IGSF3: variants seen among roughly 807,000 people sequenced by gnomAD.
The protein encoded by IGSF3 is glu-Trp-Ile EWI motif-containing protein 3.
IGSF3 carries 23 observed loss-of-function variants against 114.4 expected under a neutral mutation model. The ratio of observed to expected loss-of-function variants is 0.20; its 90% CI spans 0.14 to 0.28. The LOEUF (loss-of-function observed/expected upper bound fraction) is 0.28, where lower values mean the gene tolerates loss of function less well. Among genes scored for constraint, IGSF3 ranks in the 10% least tolerant of loss-of-function variants. IGSF3 has a pLI of 1.00. For missense variants in IGSF3, 1,172 were observed against 1,591.5 expected (o/e 0.74, Z 4.48); for synonymous variants, 571 against 645.2 (o/e 0.88, Z 1.74).
rs1649311353 is a variant in IGSF3, at chr1:116,665,905, A to G, written c.43+379T>C. 6.6e-6 allele frequency among the ~76,000 whole-genome samples: 1 copy of G among 152,160 alleles called. No individual in the cohort carries two copies. On this transcript the variant is annotated intron_variant, in intron 2 of 10. Coordinates refer to ENST00000369486, the MANE Select transcript of IGSF3 (RefSeq NM_001007237.3). This position sits in a 1 kb window ranked among gnomAD's most constrained non-coding sequence, Gnocchi z 4.0. Reference sequence around the variant, plus strand: ...AGAGGGGAATGATGTTCCCACTCCCAATTAGGAATCAATGCAGCCCAACAA... The same window carrying G: ...AGAGGGGAATGATGTTCCCACTCCCGATTAGGAATCAATGCAGCCCAACAA...
In IGSF3 at chr1:116,584,510, T is replaced by C. The variant is rs1659729061; in HGVS notation, c.2848+135A>G. On this transcript the variant is annotated intron_variant, in intron 9 of 10. Coordinates refer to ENST00000369486, the MANE Select transcript of IGSF3 (RefSeq NM_001007237.3). This position sits in a 1 kb window ranked among gnomAD's most constrained non-coding sequence, Gnocchi z 5.8. Reference sequence around the variant, plus strand: ...AAATTCAGGCAATTTTGAATATAAATGCATATACATGTAGACACTCATATA... The same window carrying C: ...AAATTCAGGCAATTTTGAATATAAACGCATATACATGTAGACACTCATATA... 2 of 845,394 alleles carry C rather than the reference T, an allele frequency of 2.4e-6. No individual in the cohort carries two copies. The highest frequency in any genetic ancestry group is 3.6e-6 in the Non-Finnish European group (2 of 549,460). The allele number at this position is 845,394 out of a possible 1,614,324, so 52.4% of individuals were successfully genotyped here.
At chr1:116,658,118 C>T (rs1283106484) in intron 2 of IGSF3, among the ~76,000 whole-genome samples, 5 of 151,334 alleles carry the variant, frequency 3.3e-5, no homozygotes, top group African/African-American at 1.2e-4. Flanking sequence ...CTCGGCTCAT[C>T]GCAAACTCCG....
rs34589862 is a variant in IGSF3, at chr1:116,588,061, CTTT to C, written c.2440+630_2440+632del. ...AAAAGGGAAATTACAGGAAAGTGAA[CTTT>C]TTAACAATCAGAGCTGCCCAAAAAT... On this transcript the variant is annotated intron_variant, in intron 8 of 10. Transcript: ENST00000369486. This position sits in a 1 kb window ranked among gnomAD's most constrained non-coding sequence, Gnocchi z 4.9. Among the ~76,000 whole-genome samples the C allele has an allele frequency of 6.6e-6, 1 of 152,138 alleles. No individual in the cohort carries two copies. The highest frequency in any genetic ancestry group is 1.5e-5 in the Non-Finnish European group (1 of 68,016).
intron 7 of IGSF3, among the ~76,000 whole-genome samples, chr1:116,597,173 GA>G (rs1660378031): frequency 6.6e-6 from 1 of 152,194 alleles, no homozygotes; most frequent in Non-Finnish European, 1.5e-5. Context: ...GAATCTCTCA[GA>G]GCCTCTGTTA....
rs1438696832 is a variant in IGSF3 at position 116,634,521 on chromosome 1, T to C, written c.44-18064A>G. ...CCTCAGTCACTCGCTGCCTCCTCTC[T>C]TGCTTCTCTCCCAGTTCTCAGTTTG... On this transcript the variant is annotated intron_variant, in intron 2 of 10. Coordinates refer to ENST00000369486, the MANE Select transcript of IGSF3 (RefSeq NM_001007237.3). The surrounding 1 kb of genome is among the most constrained non-coding windows in gnomAD (Gnocchi z 4.2). Among the ~76,000 whole-genome samples, 1 of 152,198 alleles carries C rather than the reference T, an allele frequency of 6.6e-6. No homozygotes were observed. Among genetic ancestry groups the C allele is most frequent in the African/African-American group, 2.4e-5 (1 of 41,452 alleles).
intron 2 of IGSF3, among the ~76,000 whole-genome samples, chr1:116,656,129 A>G (rs1256231642): frequency 1.3e-5 from 2 of 152,166 alleles, no homozygotes; most frequent in Non-Finnish European, 1.5e-5. Context: ...TTGTTGAACA[A>G]TATGTTCCGC....
chr1:116,660,484 T>C (rs554803705), intron 2 of IGSF3, among the ~76,000 whole-genome samples: 114 of 137,166 alleles, frequency 8.3e-4, no homozygotes, highest in African/African-American at 3.3e-3. Context: ...CTTTTCTTTT[T>C]TTTTTTTTTT....
In IGSF3 at chr1:116,633,839, AC is replaced by A. The variant is rs1647704002; in HGVS notation, c.44-17383del. 1.3e-5 allele frequency among the ~76,000 whole-genome samples: 2 copies of A among 152,278 alleles called. No homozygotes were observed. The highest frequency in any genetic ancestry group is 4.8e-5 in the African/African-American group (2 of 41,478). On this transcript the variant is annotated intron_variant, in intron 2 of 10. Coordinates refer to ENST00000369486, the MANE Select transcript of IGSF3 (RefSeq NM_001007237.3). The surrounding 1 kb of genome is among the most constrained non-coding windows in gnomAD (Gnocchi z 4.3). Reference sequence around the variant, plus strand: ...TGAATTAGAAGCAGCACTTAAAATTACAGGTTCAGAAAAAGCTTGAACAGAA... The same window carrying A: ...TGAATTAGAAGCAGCACTTAAAATTAAGGTTCAGAAAAAGCTTGAACAGAA...
At position 116,644,445 on chromosome 1, in the gene IGSF3, C is replaced by T. The variant is rs1245919240; in HGVS notation, c.43+21839G>A. Among the ~76,000 whole-genome samples, 21 of 152,320 alleles carry T rather than the reference C, an allele frequency of 1.4e-4. No individual in the cohort carries two copies. In the East Asian group the frequency reaches 3.1e-3, roughly 22 times the overall value. On this transcript the variant is annotated intron_variant, in intron 2 of 10. Coordinates refer to ENST00000369486, the MANE Select transcript of IGSF3 (RefSeq NM_001007237.3). This position sits in a 1 kb window ranked among gnomAD's most constrained non-coding sequence, Gnocchi z 5.6. ...AGCCGTGATGATGCTGAGGCAGTGT[C>T]CCCACTGCCCCAGTGGCTTCTGCAT...
At position 116,657,271 on chromosome 1, in the gene IGSF3, G is replaced by A. The variant is rs145825656; in HGVS notation, c.43+9013C>T. ...TCCTTTCCTCTCCCTGATGAAAAGT[G>A]CCACCTAGCAAGGTCAATCAAGGTC... is the stretch of plus-strand genomic sequence containing the variant. On this transcript the variant is annotated intron_variant, in intron 2 of 10. Transcript: ENST00000369486. This position sits in a 1 kb window ranked among gnomAD's most constrained non-coding sequence, Gnocchi z 4.2. 6.6e-6 allele frequency among the ~76,000 whole-genome samples: 1 copy of A among 152,232 alleles called. No homozygotes were observed. Among genetic ancestry groups the A allele is most frequent in the African/African-American group, 2.4e-5 (1 of 41,538 alleles).
intron 7 of IGSF3, among the ~76,000 whole-genome samples, chr1:116,590,377 A>C (rs1463583099): frequency 1.3e-5 from 2 of 152,066 alleles, no homozygotes; most frequent in Non-Finnish European, 2.9e-5. Flanking sequence ...AAATGAAAAA[A>C]AAAAAACAAA....
In IGSF3 at chr1:116,615,064, CG is replaced by C. The variant is rs1417677039; in HGVS notation, c.422-890del. On this transcript the variant is annotated intron_variant, in intron 3 of 10. Transcript: ENST00000369486. The surrounding 1 kb of genome is among the most constrained non-coding windows in gnomAD (Gnocchi z 4.3). ...GTGAGGGAGGCGGATCACCTGAGGT[CG>C]GGAGTTCGAGACCAGCCTGACCAAC... 2.6e-5 allele frequency among the ~76,000 whole-genome samples: 4 copies of C among 151,940 alleles called. No individual in the cohort carries two copies. Among genetic ancestry groups the C allele is most frequent in the Non-Finnish European group, 5.9e-5 (4 of 67,986 alleles).
chr1:116,601,384 C>T, intron 6 of IGSF3, among the ~76,000 whole-genome samples: 1 of 152,162 alleles, frequency 6.6e-6, no homozygotes, highest in Non-Finnish European at 1.5e-5. Context: ...GAGCCAGCAG[C>T]CAAGACTTTG....
chr1:116,587,159 A>G (rs1428899883), intron 8 of IGSF3, among the ~76,000 whole-genome samples: 2 of 152,188 alleles, frequency 1.3e-5, no homozygotes, highest in Non-Finnish European at 2.9e-5. Flanking sequence ...CCAAGTCCCT[A>G]TGCTTACTCA....
chr1:116,586,136 G>T (rs1490044748), intron 8 of IGSF3, among the ~76,000 whole-genome samples: 1 of 152,128 alleles, frequency 6.6e-6, no homozygotes, highest in Non-Finnish European at 1.5e-5. Context: ...CATCAGAGGA[G>T]GGGAGGTTGG....
chr1:116,654,446 T>A lies in IGSF3; in HGVS notation c.43+11838A>T, dbSNP rs540497269. Among the ~76,000 whole-genome samples, 1 of 152,308 alleles carries A rather than the reference T, an allele frequency of 6.6e-6. No homozygotes were observed. The highest frequency in any genetic ancestry group is 1.9e-4 in the East Asian group (1 of 5,186). ...GTTAACCCCAGGTTGGGAGAGGGCA[T>A]CTGGCAAGGAACAGACCTGGAAGAG... On this transcript the variant is annotated intron_variant, in intron 2 of 10. Transcript: ENST00000369486. This position sits in a 1 kb window ranked among gnomAD's most constrained non-coding sequence, Gnocchi z 4.4.
chr1:116,583,731 T>C lies in IGSF3; in HGVS notation c.2848+914A>G, dbSNP rs72999967. 6.6e-6 allele frequency among the ~76,000 whole-genome samples: 1 copy of C among 152,236 alleles called. No individual in the cohort carries two copies. Among genetic ancestry groups the C allele is most frequent in the Non-Finnish European group, 1.5e-5 (1 of 68,040 alleles). ...ATTCTAATATGAATGGATGATGCTGTGATGTTGCAAAGGACATGGGAATCC... is the reference window on the plus strand; with the variant it reads ...ATTCTAATATGAATGGATGATGCTGCGATGTTGCAAAGGACATGGGAATCC... On this transcript the variant is annotated intron_variant, in intron 9 of 10. Coordinates refer to ENST00000369486, the MANE Select transcript of IGSF3 (RefSeq NM_001007237.3). The surrounding 1 kb of genome is among the most constrained non-coding windows in gnomAD (Gnocchi z 4.5).
intron 2 of IGSF3, among the ~76,000 whole-genome samples, chr1:116,652,629 C>T (rs942868902): frequency 6.6e-6 from 1 of 152,196 alleles, no homozygotes; most frequent in African/African-American, 2.4e-5. Flanking sequence ...AGAGCAACTG[C>T]AATCCAATTT....
chr1:116,659,655 C>T (rs1409979972), intron 2 of IGSF3, among the ~76,000 whole-genome samples: 1 of 151,968 alleles, frequency 6.6e-6, no homozygotes, highest in African/African-American at 2.4e-5. Flanking sequence ...ATGGGGGCCA[C>T]CCAGGCTAGA....
Sources: gnomAD v4.1 joint callset for allele counts (sites outside exome capture counted in the v4.1 genomes callset) on GRCh38, gnomAD v4.1.1 for gene constraint, Gnocchi (gnomAD v3.1) non-coding constraint, MANE v1.5 for transcripts, NCBI Gene and HGNC (gene_info 2026-07-23, HGNC 2026-07-21) for gene names.